The following DMRT1 variants were observed in gnomAD, a reference collection of about 807,000 sequenced individuals.
The protein encoded by DMRT1 is doublesex and mab-3 related transcription factor 1, also known as doublesex- and mab-3-related transcription factor 1.
In DMRT1, 7 loss-of-function variants were observed where a neutral mutation model predicts 32.3. That is an observed-to-expected ratio of 0.22 (90% CI 0.12 to 0.41). The LOEUF is 0.41. Among genes scored for constraint, DMRT1 ranks in the 10% least tolerant of loss-of-function variants. DMRT1 has a pLI of 1.00. For synonymous variants in DMRT1, 278 were observed against 206.1 expected, an observed-to-expected ratio of 1.35 and a Z score of -2.99; for missense variants, 625 against 500.5, an observed-to-expected ratio of 1.25 and a Z score of -2.37.
At chr9:874,774 A>G (rs1308326568) in intron 2 of DMRT1, among the ~76,000 whole-genome samples, 1 of 151,646 alleles carries the variant, frequency 6.6e-6, no homozygotes, top group Non-Finnish European at 1.5e-5. Flanking sequence ...CCTGTATTAA[A>G]AACAATAACA....
At chr9:852,425 G>A (rs1815188976) in intron 2 of DMRT1, among the ~76,000 whole-genome samples, 1 of 144,718 alleles carries the variant, frequency 6.9e-6, no homozygotes, top group African/African-American at 2.6e-5. Flanking sequence ...AAAGTTATTA[G>A]CTGACTTAAA....
chr9:883,608 T>C (rs1361405104), intron 2 of DMRT1, among the ~76,000 whole-genome samples: 3 of 148,274 alleles, frequency 2.0e-5, no homozygotes, highest in African/African-American at 7.5e-5. Flanking sequence ...CTGGGCAACA[T>C]AGCCTGACCC....
intron 1 of DMRT1, among the ~76,000 whole-genome samples, chr9:846,653 C>T (rs889866172): frequency 6.6e-6 from 1 of 152,066 alleles, no homozygotes; most frequent in African/African-American, 2.4e-5. Context: ...CGATTATAGC[C>T]CACCGTAGCC....
chr9:877,699 G>A (rs1044460365), intron 2 of DMRT1, among the ~76,000 whole-genome samples: 2 of 152,198 alleles, frequency 1.3e-5, no homozygotes, highest in East Asian at 1.9e-4. Flanking sequence ...CCCAGTAGCA[G>A]TCTTTAAAAA....
chr9:961,409 C>G (rs1354638188), intron 4 of DMRT1, among the ~76,000 whole-genome samples: 2 of 152,172 alleles, frequency 1.3e-5, no homozygotes, highest in African/African-American at 4.8e-5. Context: ...TTAGGACAAA[C>G]TTAGGCTCAA....
At chr9:959,053 T>A (rs1819687048) in intron 4 of DMRT1, among the ~76,000 whole-genome samples, 1 of 152,234 alleles carries the variant, frequency 6.6e-6, no homozygotes, top group African/African-American at 2.4e-5. Flanking sequence ...GCCAACCTAG[T>A]TTGTAGAGTG....
intron 2 of DMRT1, among the ~76,000 whole-genome samples, chr9:858,063 T>C (rs1224650879): frequency 6.6e-6 from 1 of 152,092 alleles, no homozygotes; most frequent in Admixed American, 6.6e-5. Context: ...TCTTTGCTAT[T>C]GTGAATAGTG....
intron 2 of DMRT1, among the ~76,000 whole-genome samples, chr9:886,319 G>A (rs1410855849): frequency 1.3e-5 from 2 of 152,134 alleles, no homozygotes; most frequent in Admixed American, 6.6e-5. Flanking sequence ...GCAATGGTGC[G>A]ATCTCGGCTC....
chr9:884,355 CTGCATGTTAGTGCAAAAA>C, intron 2 of DMRT1, among the ~76,000 whole-genome samples: 2 of 130,218 alleles, frequency 1.5e-5, no homozygotes, highest in Middle Eastern at 7.2e-3. Flanking sequence ...ATATTTCACA[CTGCATGTTAGTGCAAAAA>C]AAAAAAAAAA....
intron 3 of DMRT1, among the ~76,000 whole-genome samples, chr9:905,407 G>C (rs1817734037): frequency 6.6e-6 from 1 of 151,868 alleles, no homozygotes; most frequent in African/African-American, 2.4e-5. Flanking sequence ...TCTATGTCTG[G>C]AGTATTTGTA....
intron 4 of DMRT1, among the ~76,000 whole-genome samples, chr9:951,163 A>C (rs1019024462): frequency 2.0e-5 from 3 of 152,178 alleles, no homozygotes; most frequent in Non-Finnish European, 4.4e-5. Flanking sequence ...AGCACTAGAC[A>C]ACATGAGAGT....
chr9:857,750 A>G lies in DMRT1; in HGVS notation c.538+10607A>G, dbSNP rs1448390127. Among the ~76,000 whole-genome samples, 9 of 148,086 alleles carry G rather than the reference A, an allele frequency of 6.1e-5. No individual in the cohort carries two copies. In the East Asian group the frequency reaches 1.7e-3, roughly 27 times the overall value. ...ATTAACTCATCATTTAACATTAGGT[A>G]TATCTCCTAATGCTATCCCTCCCCC... On this transcript the variant is annotated intron_variant, in intron 2 of 4. Coordinates refer to ENST00000382276, the MANE Select transcript of DMRT1 (RefSeq NM_021951.3).
intron 3 of DMRT1, among the ~76,000 whole-genome samples, chr9:916,347 C>G (rs1202700459): frequency 2.0e-5 from 3 of 151,850 alleles, no homozygotes; most frequent in South Asian, 2.1e-4. Flanking sequence ...CCACTTCCAA[C>G]TTAGATAGGC....
At chr9:920,386 A>C (rs1018913929) in intron 4 of DMRT1, among the ~76,000 whole-genome samples, 2 of 152,164 alleles carry the variant, frequency 1.3e-5, no homozygotes, top group African/African-American at 4.8e-5. Flanking sequence ...GGTGCCTTAG[A>C]AGCCAAATTA....
intron 2 of DMRT1, among the ~76,000 whole-genome samples, chr9:880,127 G>A (rs1486218826): frequency 2.0e-5 from 3 of 152,156 alleles, no homozygotes; most frequent in African/African-American, 7.2e-5. Context: ...CTGAGTTTCA[G>A]TAATTGTAGT....
intron 4 of DMRT1, among the ~76,000 whole-genome samples, chr9:953,309 C>T (rs1337814530): frequency 6.6e-6 from 1 of 151,936 alleles, no homozygotes; most frequent in East Asian, 1.9e-4. Context: ...TCTTTTTGGT[C>T]TTCTAGCTTT....
intron 2 of DMRT1, among the ~76,000 whole-genome samples, chr9:857,846 G>A (rs112190546): frequency 0.21 from 29,784 of 139,734 alleles, 3,295 homozygotes; most frequent in Middle Eastern, 0.34. Context: ...CTCATTGTTC[G>A]ATTCCCACCT....
chr9:944,646 C>G (rs557872608), intron 4 of DMRT1, among the ~76,000 whole-genome samples: 117 of 152,216 alleles, frequency 7.7e-4, no homozygotes, highest in African/African-American at 2.8e-3. Context: ...GAACAGAATC[C>G]GTTGCCCTCA....
At position 841,770 on chromosome 9, in the gene DMRT1, G is replaced by T. The variant is rs1210709892; in HGVS notation, c.-69G>T. 4.5e-6 allele frequency: 7 copies of T among 1,555,538 alleles called. No homozygotes were observed. The highest frequency in any genetic ancestry group is 3.9e-5 in the Admixed American group (2 of 51,652). On this transcript the variant is annotated 5_prime_UTR_variant, in exon 1 of 5. Coordinates refer to ENST00000382276, the MANE Select transcript of DMRT1 (RefSeq NM_021951.3). Reference sequence around the variant, plus strand: ...CCTCCGGAGCGTCGCTGTCCGTCGGGTTCATCCCTCGCAGCAGTCTCCAGG... The same window carrying T: ...CCTCCGGAGCGTCGCTGTCCGTCGGTTTCATCCCTCGCAGCAGTCTCCAGG...
Sources: gnomAD v4.1 joint callset for allele counts (sites outside exome capture counted in the v4.1 genomes callset) on GRCh38, gnomAD v4.1.1 for gene constraint, MANE v1.5 for transcripts, NCBI Gene and HGNC (gene_info 2026-07-23, HGNC 2026-07-21) for gene names.